Variants in MBD5 observed in about 807,000 individuals in gnomAD.
The protein encoded by MBD5 is methyl-CpG-binding domain protein 5.
MBD5 carries 13 observed loss-of-function variants against 117.3 expected under a neutral mutation model. The ratio of observed to expected loss-of-function variants is 0.11; its 90% CI spans 0.07 to 0.18. The LOEUF (loss-of-function observed/expected upper bound fraction) is 0.18. Ranked by LOEUF, MBD5 falls within the 10% of genes least tolerant of loss-of-function variation. The pLI is 1.00. For missense variants in MBD5, 1,879 were observed against 2,093.8 expected, an observed-to-expected ratio of 0.90 and a Z score of 2.00; for synonymous variants, 727 against 766.4, an observed-to-expected ratio of 0.95 and a Z score of 0.85.
chr2:148,185,539 GTTAA>G (rs1409987239), intron 2 of MBD5, among the ~76,000 whole-genome samples: 2 of 152,144 alleles, frequency 1.3e-5, no homozygotes, highest in African/African-American at 2.4e-5. Flanking sequence ...AAAAGTGGGG[GTTAA>G]TTAAATAGAT....
intron 3 of MBD5, among the ~76,000 whole-genome samples, chr2:148,308,491 C>CTTTTTTTTT (rs60650324): frequency 1.5e-5 from 1 of 66,804 alleles, no homozygotes; most frequent in African/African-American, 4.9e-5. Flanking sequence ...GGGGTTCTTT[C>CTTTTTTTTT]TTTTTTTTTT....
At chr2:148,036,084 C>A (rs1694187658) in intron 1 of MBD5, among the ~76,000 whole-genome samples, 1 of 152,112 alleles carries the variant, frequency 6.6e-6, no homozygotes, top group Non-Finnish European at 1.5e-5. Flanking sequence ...TTTCAAATGA[C>A]ACTTTTATGT....
intron 2 of MBD5, among the ~76,000 whole-genome samples, chr2:148,211,995 T>A (rs553622226): frequency 2.6e-5 from 4 of 152,270 alleles, no homozygotes; most frequent in African/African-American, 9.6e-5. Context: ...GCAATCTTCC[T>A]GCCTTGGCCT....
chr2:148,383,650 CA>C (rs141039307), intron 4 of MBD5, among the ~76,000 whole-genome samples: 110,088 of 149,150 alleles, frequency 0.74, 40,782 homozygotes, highest in African/African-American at 0.86. Context: ...AGAGACAAAA[CA>C]AAAAAAAAAA....
intron 8 of MBD5, among the ~76,000 whole-genome samples, chr2:148,475,779 A>G (rs544849306): frequency 2.6e-5 from 4 of 152,276 alleles, no homozygotes; most frequent in Non-Finnish European, 4.4e-5. Flanking sequence ...TAATTCTACA[A>G]TGTTTGAGTC....
chr2:148,249,915 A>T (rs750766930), intron 3 of MBD5, among the ~76,000 whole-genome samples: 3 of 152,148 alleles, frequency 2.0e-5, no homozygotes, highest in Non-Finnish European at 4.4e-5. Context: ...AGTGCACAGG[A>T]TAACCCTCCA....
At chr2:148,302,491 G>A (rs1190132387) in intron 3 of MBD5, among the ~76,000 whole-genome samples, 1 of 152,176 alleles carries the variant, frequency 6.6e-6, no homozygotes, top group African/African-American at 2.4e-5. Context: ...TGCTAATAGA[G>A]ATGTAATTTT....
intron 1 of MBD5, among the ~76,000 whole-genome samples, chr2:148,131,773 T>A (rs1191863841): frequency 6.6e-6 from 1 of 152,232 alleles, no homozygotes; most frequent in Admixed American, 6.5e-5. Flanking sequence ...TTATCTTAAA[T>A]ATTTTAAATG....
At chr2:148,459,590 T>C (rs925941892) in intron 5 of MBD5, among the ~76,000 whole-genome samples, 4 of 152,192 alleles carry the variant, frequency 2.6e-5, no homozygotes, top group African/African-American at 9.6e-5. Flanking sequence ...CATAAATCTT[T>C]CTTGTGATGT....
intron 10 of MBD5, among the ~76,000 whole-genome samples, chr2:148,488,512 A>AAG (rs1368993132): frequency 6.6e-6 from 1 of 152,068 alleles, no homozygotes; most frequent in Non-Finnish European, 1.5e-5. Flanking sequence ...TGATAATAGC[A>AAG]AGAGAGAGGC....
intron 1 of MBD5, among the ~76,000 whole-genome samples, chr2:148,092,343 C>T (rs1035819038): frequency 1.3e-5 from 2 of 152,044 alleles, no homozygotes; most frequent in Non-Finnish European, 2.9e-5. Flanking sequence ...AGTCATTATA[C>T]GAAAAAGACA....
chr2:148,109,741 T>C lies in MBD5; in HGVS notation c.-924-68959T>C, dbSNP rs147057148. Among the ~76,000 whole-genome samples the C allele has an allele frequency of 2.2e-4, 33 of 152,278 alleles. No individual in the cohort carries two copies. In the East Asian group the frequency reaches 4.8e-3, roughly 22 times the overall value. ...TGTTTAAATGGTTACAAGTAACACC[T>C]CTTGGGAAAGTGGCTTGGGATGATT... is the stretch of plus-strand genomic sequence containing the variant. On this transcript the variant is annotated intron_variant, in intron 1 of 13. Transcript: ENST00000642680.
chr2:148,494,067 A>G (rs1158179172), intron 11 of MBD5, among the ~76,000 whole-genome samples: 1 of 152,234 alleles, frequency 6.6e-6, no homozygotes, highest in Admixed American at 6.5e-5. Context: ...TAGCACATCA[A>G]AGAGGTTCAG....
chr2:148,132,367 T>TAG (rs1168356752), intron 1 of MBD5, among the ~76,000 whole-genome samples: 1 of 146,958 alleles, frequency 6.8e-6, no homozygotes, highest in African/African-American at 2.5e-5. Context: ...TATATATATA[T>TAG]AGATGATTCA....
At chr2:148,444,600 G>T (rs981902714) in intron 4 of MBD5, among the ~76,000 whole-genome samples, 1 of 151,142 alleles carries the variant, frequency 6.6e-6, no homozygotes, top group African/African-American at 2.5e-5. Flanking sequence ...TTTCAGAAAT[G>T]AGATCATTTG....
intron 1 of MBD5, among the ~76,000 whole-genome samples, chr2:148,043,604 C>T (rs962770309): frequency 6.6e-6 from 1 of 152,158 alleles, no homozygotes; most frequent in African/African-American, 2.4e-5. Flanking sequence ...TTATGGATTA[C>T]ACCAGTTCTG....
chr2:148,351,775 A>T (rs1236816529), intron 4 of MBD5, among the ~76,000 whole-genome samples: 1 of 152,044 alleles, frequency 6.6e-6, no homozygotes, highest in East Asian at 1.9e-4. Context: ...TTCTCAGTGA[A>T]GAGTGCCTCC....
intron 4 of MBD5, among the ~76,000 whole-genome samples, chr2:148,422,391 T>G (rs1005418511): frequency 1.4e-4 from 21 of 151,874 alleles, no homozygotes; most frequent in African/African-American, 5.1e-4. Flanking sequence ...AGCATCAACA[T>G]CAACAAAAAG....
intron 3 of MBD5, among the ~76,000 whole-genome samples, chr2:148,246,842 T>C (rs1700349313): frequency 1.3e-5 from 2 of 151,770 alleles, no homozygotes; most frequent in Non-Finnish European, 2.9e-5. Flanking sequence ...AACTGCTATC[T>C]CTAGGTTTAC....
Sources: gnomAD v4.1 joint callset for allele counts (sites outside exome capture counted in the v4.1 genomes callset) on GRCh38, gnomAD v4.1.1 for gene constraint, MANE v1.5 for transcripts, NCBI Gene and HGNC (gene_info 2026-07-23, HGNC 2026-07-21) for gene names.